The following NELL1 variants were observed in gnomAD, a reference collection of about 807,000 sequenced individuals.
NELL1 encodes the protein protein kinase C-binding protein NELL1.
NELL1 carries 76 observed loss-of-function variants against 107.4 expected under a neutral mutation model. That is an observed-to-expected ratio of 0.71 (90% confidence interval 0.59 to 0.86). The LOEUF is 0.86. Among genes scored for constraint, NELL1 ranks in the 40% least tolerant of loss-of-function variants. NELL1 has a pLI of 0.00. For missense variants in NELL1, 1,024 were observed against 1,005.5 expected, an observed-to-expected ratio of 1.02 and a Z score of -0.25; for synonymous variants, 353 against 341.2, an observed-to-expected ratio of 1.03 and a Z score of -0.38.
chr11:21,238,260 A>G (rs1046649736), intron 14 of NELL1, among the ~76,000 whole-genome samples: 1 of 152,110 alleles, frequency 6.6e-6, no homozygotes, highest in East Asian at 1.9e-4. Flanking sequence ...TATCACAAAT[A>G]CAACTATTTC....
intron 12 of NELL1, among the ~76,000 whole-genome samples, chr11:21,058,936 A>G (rs1486634354): frequency 6.6e-6 from 1 of 152,086 alleles, no homozygotes; most frequent in Non-Finnish European, 1.5e-5. Flanking sequence ...GAGATTCATG[A>G]TTTCTGTGCA....
intron 13 of NELL1, among the ~76,000 whole-genome samples, chr11:21,209,776 C>G (rs1405988331): frequency 6.6e-6 from 1 of 151,990 alleles, no homozygotes; most frequent in African/African-American, 2.4e-5. Context: ...ATATCCACAA[C>G]TAGAATAAAA....
chr11:21,088,543 C>A (rs959598502), intron 12 of NELL1, among the ~76,000 whole-genome samples: 11 of 152,122 alleles, frequency 7.2e-5, no homozygotes, highest in Non-Finnish European at 4.4e-5. Flanking sequence ...CAGACAAATT[C>A]AACAGATTTG....
At chr11:21,247,717 A>G (rs942455264) in intron 14 of NELL1, among the ~76,000 whole-genome samples, 1 of 152,248 alleles carries the variant, frequency 6.6e-6, no homozygotes, top group African/African-American at 2.4e-5. Flanking sequence ...GACATAAACC[A>G]GTAACATAGC....
At chr11:21,270,509 C>T (rs1848718349) in intron 14 of NELL1, among the ~76,000 whole-genome samples, 1 of 152,056 alleles carries the variant, frequency 6.6e-6, no homozygotes, top group African/African-American at 2.4e-5. Flanking sequence ...ATGTGCCTAA[C>T]ATGAGAACCT....
intron 14 of NELL1, among the ~76,000 whole-genome samples, chr11:21,278,533 C>T (rs566736070): frequency 4.6e-5 from 7 of 151,958 alleles, no homozygotes; most frequent in East Asian, 1.9e-4. Context: ...AAAACAATGC[C>T]GGTTATATTA....
intron 12 of NELL1, among the ~76,000 whole-genome samples, chr11:21,069,464 C>G (rs1853959066): frequency 6.6e-6 from 1 of 152,056 alleles, no homozygotes; most frequent in Non-Finnish European, 1.5e-5. Flanking sequence ...CTACTGATGG[C>G]TGGCACCTGA....
chr11:20,919,578 A>G (rs1276220815), intron 7 of NELL1, among the ~76,000 whole-genome samples: 1 of 152,066 alleles, frequency 6.6e-6, no homozygotes, highest in African/African-American at 2.4e-5. Context: ...GGCAATATGT[A>G]TCACTGTAGA....
intron 13 of NELL1, among the ~76,000 whole-genome samples, chr11:21,216,426 A>G (rs1168938730): frequency 1.3e-5 from 2 of 152,162 alleles, no homozygotes; most frequent in Non-Finnish European, 2.9e-5. Flanking sequence ...AGAATGGTAG[A>G]TCCACTGACA....
intron 13 of NELL1, among the ~76,000 whole-genome samples, chr11:21,178,883 C>T (rs944077431): frequency 6.6e-6 from 1 of 151,476 alleles, no homozygotes; most frequent in African/African-American, 2.4e-5. Flanking sequence ...TAGACAAAAA[C>T]TGGAAGGTAA....
chr11:21,568,290 C>A (rs1049125529), intron 17 of NELL1, among the ~76,000 whole-genome samples: 1 of 151,612 alleles, frequency 6.6e-6, no homozygotes, highest in Non-Finnish European at 1.5e-5. Flanking sequence ...AAATGGTATA[C>A]CTGTATAGAA....
chr11:20,839,707 C>A (rs1312107823), intron 3 of NELL1, among the ~76,000 whole-genome samples: 1 of 152,154 alleles, frequency 6.6e-6, no homozygotes, highest in South Asian at 2.1e-4. Context: ...GATTGAATGG[C>A]AGAGGGGAGG....
chr11:20,916,179 AAGCTGTC>A (rs1850251886), intron 5 of NELL1, among the ~76,000 whole-genome samples: 1 of 151,888 alleles, frequency 6.6e-6, no homozygotes, highest in African/African-American at 2.4e-5. Flanking sequence ...GAGCATTGGG[AAGCTGTC>A]AGCTTTTATT....
chr11:21,067,097 T>C (rs1853893790), intron 12 of NELL1, among the ~76,000 whole-genome samples: 1 of 152,162 alleles, frequency 6.6e-6, no homozygotes, highest in Admixed American at 6.5e-5. Context: ...TTGCTATTTC[T>C]TTTTACCTTT....
intron 15 of NELL1, among the ~76,000 whole-genome samples, chr11:21,495,086 C>A (rs191378150): frequency 2.0e-5 from 3 of 152,180 alleles, no homozygotes; most frequent in Non-Finnish European, 4.4e-5. Context: ...TCTTTGCAAC[C>A]ATTGCCAATA....
chr11:20,756,295 A>T (rs367568289), intron 2 of NELL1, among the ~76,000 whole-genome samples: 172 of 152,140 alleles, frequency 1.1e-3, no homozygotes, highest in African/African-American at 4.0e-3. Flanking sequence ...TGATAGTTGC[A>T]CTAGAGCAGA....
chr11:21,567,223 C>T (rs921717018), intron 17 of NELL1, among the ~76,000 whole-genome samples: 9 of 151,812 alleles, frequency 5.9e-5, no homozygotes, highest in African/African-American at 1.9e-4. Flanking sequence ...GCTATCATTA[C>T]TTTGCTTAGT....
At chr11:21,077,745 G>GA (rs11381496) in intron 12 of NELL1, among the ~76,000 whole-genome samples, 60,911 of 137,348 alleles carry the variant, frequency 0.44, 13,134 homozygotes, top group African/African-American at 0.5. Context: ...TCTGTCTCAG[G>GA]AAAAAAAAAA....
Position 21,374,877 on chromosome 11 carries a change from CTGTGTGTGTCTGTGTGTG to C in NELL1, c.1645+3939_1645+3956del, listed in dbSNP as rs1851434685. Among the ~76,000 whole-genome samples, 6 of 89,894 alleles carry C rather than the reference CTGTGTGTGTCTGTGTGTG, an allele frequency of 6.7e-5. 1 individual carries two copies. The highest frequency in any genetic ancestry group is 4.2e-5 in the African/African-American group (1 of 23,780). 59.0% of individuals were successfully genotyped at this position (89,894 alleles called of 152,430 possible). ...CAGCTACCAGGCTGTGTGGAACTGA[CTGTGTGTGTCTGTGTGTG>C]TGTGTGTGTGTGTGTGTGTGTGTGT... On this transcript the variant is annotated intron_variant, in intron 15 of 19. Transcript: ENST00000357134.
Sources: allele counts gnomAD v4.1 joint callset (sites outside exome capture counted in the v4.1 genomes callset), GRCh38; gene constraint gnomAD v4.1.1; transcripts MANE v1.5; gene names NCBI Gene and HGNC (gene_info 2026-07-23, HGNC 2026-07-21).